Variants in PRDM16 observed in about 807,000 individuals in gnomAD.
PRDM16 encodes the protein histone-lysine N-methyltransferase PRDM16.
A neutral mutation model predicts 110.6 loss-of-function variants in PRDM16; 23 were observed. The ratio of observed to expected loss-of-function variants is 0.21; its 90% CI spans 0.15 to 0.29. The LOEUF (loss-of-function observed/expected upper bound fraction) is 0.29. Ranked by LOEUF, PRDM16 falls within the 10% of genes least tolerant of loss-of-function variation. PRDM16 has a pLI of 1.00. For synonymous variants in PRDM16, 799 were observed against 781.8 expected, an observed-to-expected ratio of 1.02 and a Z score of -0.37; for missense variants, 1,615 against 1,794.3, an observed-to-expected ratio of 0.90 and a Z score of 1.81.
intron 3 of PRDM16, among the ~76,000 whole-genome samples, chr1:3,251,059 G>A (rs1639918331): frequency 2.6e-5 from 4 of 152,296 alleles, no homozygotes; most frequent in African/African-American, 7.2e-5. Flanking sequence ...AGTAGGAGAC[G>A]AAACATCACA....
chr1:3,261,917 A>G (rs889187350), intron 3 of PRDM16, among the ~76,000 whole-genome samples: 3 of 152,220 alleles, frequency 2.0e-5, no homozygotes, highest in African/African-American at 7.2e-5. Flanking sequence ...AGGAAGAGAA[A>G]GGAAAGAGCT....
chr1:3,118,224 T>C (rs942464073), intron 1 of PRDM16, among the ~76,000 whole-genome samples: 1 of 152,070 alleles, frequency 6.6e-6, no homozygotes, highest in Non-Finnish European at 1.5e-5. Flanking sequence ...CACACACACG[T>C]GCACACACGT....
chr1:3,319,595 C>T lies in PRDM16; in HGVS notation c.439-65557C>T, dbSNP rs138795155. Among the ~76,000 whole-genome samples the T allele has an allele frequency of 3.1e-3, 477 of 152,280 alleles. 2 individuals carry two copies. The highest frequency in any genetic ancestry group is 0.011 in the African/African-American group (447 of 41,568). On this transcript the variant is annotated intron_variant, in intron 3 of 16. Coordinates refer to ENST00000270722, the MANE Select transcript of PRDM16 (RefSeq NM_022114.4). Reference sequence around the variant, plus strand: ...ATATCTCACCAGTGGCCCCTGGCTTCAGGGATGGAAGGAGAGCGTGGAGGC... The same window carrying T: ...ATATCTCACCAGTGGCCCCTGGCTTTAGGGATGGAAGGAGAGCGTGGAGGC...
At chr1:3,356,514 C>T (rs935238490) in intron 3 of PRDM16, among the ~76,000 whole-genome samples, 1 of 152,210 alleles carries the variant, frequency 6.6e-6, no homozygotes, top group Admixed American at 6.5e-5. Flanking sequence ...GAGGAGGCTG[C>T]CCCCAGCTCT....
At chr1:3,215,203 A>C (rs980570387) in intron 2 of PRDM16, among the ~76,000 whole-genome samples, 1 of 152,214 alleles carries the variant, frequency 6.6e-6, no homozygotes, top group African/African-American at 2.4e-5. Flanking sequence ...GTCCACTCCT[A>C]CTGCTAAGGA....
chr1:3,125,422 G>C (rs1334564383), intron 1 of PRDM16, among the ~76,000 whole-genome samples: 1 of 152,242 alleles, frequency 6.6e-6, no homozygotes, highest in Non-Finnish European at 1.5e-5. Flanking sequence ...CCCCAGAGTA[G>C]CCACTGTCAT....
At chr1:3,272,064 G>A (rs919636218) in intron 3 of PRDM16, among the ~76,000 whole-genome samples, 1 of 152,212 alleles carries the variant, frequency 6.6e-6, no homozygotes, top group African/African-American at 2.4e-5. Flanking sequence ...GGTGTCAGGA[G>A]GACAAGAACT....
At position 3,282,086 on chromosome 1, in the gene PRDM16, G is replaced by T. The variant is rs577296792; in HGVS notation, c.438+37949G>T. Among the ~76,000 whole-genome samples, 203 of 152,338 alleles carry T rather than the reference G, an allele frequency of 1.3e-3. 1 individual carries two copies. Among genetic ancestry groups the T allele is most frequent in the Non-Finnish European group, 2.5e-3 (169 of 68,024 alleles). On this transcript the variant is annotated intron_variant, in intron 3 of 16. Coordinates refer to ENST00000270722, the MANE Select transcript of PRDM16 (RefSeq NM_022114.4). ...CAGGTCCAGCCTCTAGGTATGGGAC[G>T]CCAGCTCTCTCCTTACCACCGAAGC...
Position 3,412,606 on chromosome 1 carries a change from G to T in PRDM16, c.2409G>T (p.Leu803=). 1 of 1,595,466 alleles carries T rather than the reference G, an allele frequency of 6.3e-7. No individual in the cohort carries two copies. The highest frequency in any genetic ancestry group is 8.5e-7 in the Non-Finnish European group (1 of 1,169,930). The change falls in exon 9 of 17, where the codon CTG becomes CTT. Residue 803 remains leucine, a synonymous_variant. Coordinates refer to ENST00000270722, the MANE Select transcript of PRDM16 (RefSeq NM_022114.4). ...CCGCATCCGGCGAGGAGCAGCCGCT[G>T]GACCTGAGCATCGGCAGCCGGGCCC... ...SAPASGEEQP[L]DLSIGSRARA...
intron 3 of PRDM16, among the ~76,000 whole-genome samples, chr1:3,321,756 T>C (rs1321556410): frequency 6.7e-6 from 1 of 150,050 alleles, no homozygotes; most frequent in African/African-American, 2.5e-5. Flanking sequence ...GTGCACAATG[T>C]GTGTTTGTGT....
chr1:3,225,573 T>TGTGTGCGCGCGCGCGC (rs1336272072), intron 2 of PRDM16, among the ~76,000 whole-genome samples: 189 of 129,834 alleles, frequency 1.5e-3, no homozygotes, highest in African/African-American at 4.9e-3. Flanking sequence ...TGTGTGTGTG[T>TGTGTGCGCGCGCGCGC]GCGCGCGCGC....
intron 3 of PRDM16, among the ~76,000 whole-genome samples, chr1:3,356,440 TG>T (rs1249620950): frequency 6.6e-6 from 1 of 151,818 alleles, no homozygotes. Context: ...GAGACGGGAG[TG>T]GGGGAGGCAA....
In PRDM16 at chr1:3,427,646, A is replaced by G. The variant is rs551063814; in HGVS notation, c.3284+1421A>G. Among the ~76,000 whole-genome samples the G allele has an allele frequency of 3.9e-5, 6 of 152,248 alleles. No homozygotes were observed. In the South Asian group the frequency reaches 1.2e-3, roughly 32 times the overall value. ...AGGCAGTTGGACACTGGCTCTGGCAAAGCCACGTTCCAAATCTGTGCCCCT... is the reference window on the plus strand; with the variant it reads ...AGGCAGTTGGACACTGGCTCTGGCAGAGCCACGTTCCAAATCTGTGCCCCT... On this transcript the variant is annotated intron_variant, in intron 14 of 16. Coordinates refer to ENST00000270722, the MANE Select transcript of PRDM16 (RefSeq NM_022114.4).
chr1:3,344,056 G>A (rs1275346543), intron 3 of PRDM16, among the ~76,000 whole-genome samples: 4 of 152,120 alleles, frequency 2.6e-5, no homozygotes, highest in Non-Finnish European at 5.9e-5. Flanking sequence ...CCATCCTTGG[G>A]CTGGGTGTGG....
At chr1:3,348,119 C>T (rs911398210) in intron 3 of PRDM16, among the ~76,000 whole-genome samples, 10 of 152,162 alleles carry the variant, frequency 6.6e-5, no homozygotes, top group African/African-American at 2.4e-4. Flanking sequence ...CTGCCCAGGT[C>T]GCAGAGGGGT....
chr1:3,432,572 C>T (rs974598106), intron 16 of PRDM16, among the ~76,000 whole-genome samples: 6 of 152,364 alleles, frequency 3.9e-5, no homozygotes, highest in South Asian at 2.1e-4. Context: ...ATGAGGTCAG[C>T]GAGGGTGCCA....
intron 1 of PRDM16, among the ~76,000 whole-genome samples, chr1:3,091,615 C>T (rs1278404172): frequency 6.6e-6 from 1 of 152,204 alleles, no homozygotes; most frequent in Non-Finnish European, 1.5e-5. Flanking sequence ...GGCACCTCTG[C>T]CCAGGCACCT....
chr1:3,134,123 G>C (rs1367171368), intron 1 of PRDM16, among the ~76,000 whole-genome samples: 1 of 152,188 alleles, frequency 6.6e-6, no homozygotes, highest in Admixed American at 6.5e-5. Context: ...AGGAGGCCTG[G>C]GCTCAGGACC....
intron 1 of PRDM16, among the ~76,000 whole-genome samples, chr1:3,084,373 A>G (rs969290076): frequency 6.6e-6 from 1 of 152,284 alleles, no homozygotes; most frequent in South Asian, 2.1e-4. Flanking sequence ...CAGGGAACAC[A>G]GTGCTGATGG....
Sources: allele counts gnomAD v4.1 joint callset (sites outside exome capture counted in the v4.1 genomes callset), GRCh38; gene constraint gnomAD v4.1.1; transcripts MANE v1.5; gene names NCBI Gene and HGNC (gene_info 2026-07-23, HGNC 2026-07-21).